MYH13: variants seen among roughly 807,000 people sequenced by gnomAD.
The protein encoded by MYH13 is myosin-13.
Under a neutral mutation model 232.1 loss-of-function variants are expected in MYH13, and 177 were observed. The ratio of observed to expected loss-of-function variants is 0.76; its 90% CI spans 0.67 to 0.86. The LOEUF is 0.86. Among genes scored for constraint, MYH13 ranks in the 40% least tolerant of loss-of-function variants. The pLI is 0.00. For synonymous variants in MYH13, 884 were observed against 923.5 expected (o/e 0.96, Z 0.78); for missense variants, 2,246 against 2,405.9 (o/e 0.93, Z 1.39).
Position 10,309,812 on chromosome 17 carries a change from C to G in MYH13, c.4675G>C (p.Glu1559Gln). The change falls in exon 34 of 41, where the codon GAG (glutamate) becomes CAG (glutamine). Residue 1559 changes from glutamate to glutamine, a missense_variant. Coordinates refer to ENST00000252172, the MANE Select transcript of MYH13 (RefSeq NM_003802.3). ...AGCTGCACGCGCAAGATCTTGCTCT[C>G]CTCGTGTTCCAAGGAACCCTGACGA... ...EEVEGSLEHE[E>Q]SKILRVQLEL... is the part of the protein sequence containing the mutation. The G allele has an allele frequency of 3.2e-6, 5 of 1,582,982 alleles. No homozygotes were observed. Among genetic ancestry groups the G allele is most frequent in the Non-Finnish European group, 4.3e-6 (5 of 1,163,302 alleles).
intron 18 of MYH13, among the ~76,000 whole-genome samples, chr17:10,338,256 G>A (rs1161982699): frequency 6.6e-5 from 10 of 152,040 alleles, no homozygotes; most frequent in South Asian, 4.1e-4. Context: ...CAATGATTTC[G>A]TGTGATTCTT....
Position 10,343,748 on chromosome 17 carries a change from G to A in MYH13, c.1894+52C>T, listed in dbSNP as rs2071637171. On this transcript the variant is annotated intron_variant, in intron 16 of 40. Coordinates refer to ENST00000252172, the MANE Select transcript of MYH13 (RefSeq NM_003802.3). The stretch of plus-strand genomic sequence containing the variant: ...GTTCTTCACAAGCAGCTCTGGGTTA[G>A]GAGTCATTACATAGAACGTCCCACA... 3 of 1,513,414 alleles carry A rather than the reference G, an allele frequency of 2.0e-6. No individual in the cohort carries two copies. In the Admixed American group the frequency reaches 6.6e-5, roughly 33 times the overall value. The allele number at this position is 1,513,414 out of a possible 1,614,324, so 93.7% of individuals were successfully genotyped here. A position where few individuals can be genotyped will look rare whatever the true frequency, so the allele number is the denominator to read the frequency against.
chr17:10,353,347 C>T (rs1161664349), intron 11 of MYH13, among the ~76,000 whole-genome samples: 1 of 152,128 alleles, frequency 6.6e-6, no homozygotes, highest in Non-Finnish European at 1.5e-5. Flanking sequence ...GAAAATTTTT[C>T]TATTTGTGTT....
intron 33 of MYH13, among the ~76,000 whole-genome samples, chr17:10,310,036 C>T (rs150371269): frequency 0.015 from 2,186 of 150,560 alleles, 22 homozygotes; most frequent in South Asian, 0.021. Context: ...CCTTGGCCTC[C>T]TAAAGTGTTG....
At chr17:10,320,626 C>A (rs1323140943) in intron 24 of MYH13, 130 bp from the exon 25 acceptor site, 3 of 998,406 alleles carry the variant, frequency 3.0e-6, no homozygotes, top group African/African-American at 3.3e-5. Context: ...AAGCCTCTGG[C>A]CCCAGGAGGA....
rs1906172786 is a variant in MYH13, at chr17:10,303,431, TG to T, written c.5533del (p.His1845ThrfsTer10). 1.9e-6 allele frequency: 3 copies of T among 1,614,012 alleles called. No individual in the cohort carries two copies. The highest frequency in any genetic ancestry group is 2.5e-6 in the Non-Finnish European group (3 of 1,179,894). ...KRGAEALKGA[H>X]KYERKVKEMT... ...CTCCTTGACTTTGCGTTCGTACTTG[TG>T]GGCTCCCTTCAGGGCTTCAGCTCCC... On this transcript the variant is annotated frameshift_variant, in exon 38 of 41. Coordinates refer to ENST00000252172, the MANE Select transcript of MYH13 (RefSeq NM_003802.3). LOFTEE classifies it high-confidence loss of function.
intron 18 of MYH13, among the ~76,000 whole-genome samples, chr17:10,337,882 A>G (rs532815905): frequency 1.7e-4 from 26 of 152,112 alleles, no homozygotes; most frequent in Non-Finnish European, 1.3e-4. Flanking sequence ...GTGAAACCCC[A>G]TCTCTACTAA....
rs146597381 is a variant in MYH13 at position 10,325,922 on chromosome 17, G to A, written c.2692-1658C>T. On this transcript the variant is annotated intron_variant, in intron 22 of 40. Transcript: ENST00000252172. ...GATCTCTTGATCTCATGATCCGCCC[G>A]CCTCGGCCTCCCAAAGTGCTGGGAT... Among the ~76,000 whole-genome samples, 131 of 152,276 alleles carry A rather than the reference G, an allele frequency of 8.6e-4. 1 individual carries two copies. The East Asian group carries it at 0.019, about 22-fold the overall frequency.
At chr17:10,312,816 C>G (rs954162598) in intron 30 of MYH13, 59 bp from the exon 31 acceptor site, 10 of 1,523,320 alleles carry the variant, frequency 6.6e-6, no homozygotes, top group Middle Eastern at 3.5e-4. Flanking sequence ...CAGTAGGTAA[C>G]TGTCAGATGG....
At chr17:10,341,706 C>T (rs1424770124) in intron 16 of MYH13, among the ~76,000 whole-genome samples, 4 of 152,102 alleles carry the variant, frequency 2.6e-5, no homozygotes, top group African/African-American at 4.8e-5. Context: ...TCCCCAAATC[C>T]GCATCCACAC....
intron 38 of MYH13, 49 bp from the exon 39 acceptor site, chr17:10,303,340 C>T: frequency 6.2e-7 from 1 of 1,612,744 alleles, no homozygotes; most frequent in Non-Finnish European, 8.5e-7. Context: ...ATGGTCACTT[C>T]TGATGGGGCT....
At chr17:10,364,251 T>C (rs1035570479) in intron 3 of MYH13, 76 bp downstream of exon 3, 18 of 1,421,218 alleles carry the variant, frequency 1.3e-5, no homozygotes, top group Non-Finnish European at 1.8e-5. Context: ...AGGACCAGCA[T>C]GCAATTTCTA....
intron 22 of MYH13, chr17:10,324,754 A>ATTTTTTTTTT (rs1907137100): frequency 2.0e-5 from 1 of 48,974 alleles, no homozygotes; most frequent in African/African-American, 8.1e-5. Context: ...GTCCATATAC[A>ATTTTTTTTTT]TGTTTTTTTT....
intron 5 of MYH13, among the ~76,000 whole-genome samples, chr17:10,361,077 G>A (rs2071788632): frequency 6.6e-6 from 1 of 152,150 alleles, no homozygotes. Flanking sequence ...AAGCCCCCCA[G>A]TCTGTGATAC....
At chr17:10,303,878 C>T (rs1039445427) in intron 37 of MYH13, among the ~76,000 whole-genome samples, 1 of 152,092 alleles carries the variant, frequency 6.6e-6, no homozygotes, top group African/African-American at 2.4e-5. Context: ...ACCCAAATGC[C>T]CATAAATGAT....
intron 23 of MYH13, among the ~76,000 whole-genome samples, 179 bp downstream of exon 23, chr17:10,323,821 AAGAAGAAGAAGAGTCTATGGGT>A (rs1907094537): frequency 1.3e-5 from 2 of 150,030 alleles, no homozygotes; most frequent in Non-Finnish European, 3.0e-5. Context: ...GAAGAAGAAG[AAGAAGAAGAAGAGTCTATGGGT>A]AGAAAAGACA....
intron 21 of MYH13, 29 bp downstream of exon 21, chr17:10,330,358 G>C: frequency 6.2e-7 from 1 of 1,612,692 alleles, no homozygotes; most frequent in Non-Finnish European, 8.5e-7. Flanking sequence ...GAGAGGGCAG[G>C]ATAAGGTGGA....
chr17:10,309,835 C>T lies in MYH13; in HGVS notation c.4657-5G>A, dbSNP rs768597537. 1.4e-5 allele frequency: 22 copies of T among 1,557,226 alleles called. No individual in the cohort carries two copies. Among genetic ancestry groups the T allele is most frequent in the South Asian group, 1.1e-4 (9 of 83,030 alleles). On this transcript the variant is annotated splice_polypyrimidine_tract_variant and splice_region_variant and intron_variant, in intron 33 of 40. Transcript: ENST00000252172. ...CTCCTCGTGTTCCAAGGAACCCTGA[C>T]GAAAGCAAAGGAGTGATTGAGAGTG... is the stretch of plus-strand genomic sequence containing the variant.
intron 2 of MYH13, among the ~76,000 whole-genome samples, chr17:10,367,585 G>A (rs931871358): frequency 3.3e-5 from 5 of 152,154 alleles, no homozygotes; most frequent in Non-Finnish European, 5.9e-5. Flanking sequence ...CTGACCTCAA[G>A]TGATCCTCCC....
Sources: allele counts gnomAD v4.1 joint callset (sites outside exome capture counted in the v4.1 genomes callset), GRCh38; gene constraint gnomAD v4.1.1; transcripts MANE v1.5; gene names NCBI Gene and HGNC (gene_info 2026-07-23, HGNC 2026-07-21).